Variants in PTGR1 observed in about 807,000 individuals in gnomAD.
PTGR1 encodes prostaglandin reductase 1.
In PTGR1, 23 loss-of-function variants were observed where a neutral mutation model predicts 37.7. That is an observed-to-expected ratio of 0.61 (90% CI 0.44 to 0.86). The LOEUF (loss-of-function observed/expected upper bound fraction) is 0.86. PTGR1 is among the 40% of genes least tolerant of loss of function. The probability of loss-of-function intolerance (pLI) is 0.00; values close to 1 mark genes in which losing one functional copy is unlikely to be tolerated. For missense variants in PTGR1, 351 were observed against 394.3 expected, an observed-to-expected ratio of 0.89 and a Z score of 0.93; for synonymous variants, 134 against 140.0, an observed-to-expected ratio of 0.96 and a Z score of 0.30.
intron 8 of PTGR1, among the ~76,000 whole-genome samples, chr9:111,573,836 T>A (rs1392106279): frequency 6.6e-6 from 1 of 151,818 alleles, no homozygotes; most frequent in East Asian, 1.9e-4. Context: ...GACCTCAGAG[T>A]GTGGAGCGGG....
At chr9:111,558,218 G>C (rs1202909372), downstream of PTGR1, among the ~76,000 whole-genome samples, 1 of 152,120 alleles carries the variant, frequency 6.6e-6, no homozygotes, top group Non-Finnish European at 1.5e-5. Flanking sequence ...GTCTCAGTAC[G>C]GACTCATGGT....
intron 8 of PTGR1, among the ~76,000 whole-genome samples, chr9:111,572,046 G>A (rs1828841396): frequency 6.6e-6 from 1 of 152,334 alleles, no homozygotes; most frequent in African/African-American, 2.4e-5. Flanking sequence ...GTTCCAGGAA[G>A]TCAGGCGAAG....
chr9:111,597,472 A>T (rs1245873138), intron 1 of PTGR1, 40 bp from the exon 2 acceptor site: 1 of 1,300,376 alleles, frequency 7.7e-7, no homozygotes, highest in Non-Finnish European at 1.1e-6. Context: ...CCATGAAGTG[A>T]CTGCATTCTA....
In PTGR1 at chr9:111,592,989, A is replaced by T; in HGVS notation, c.153-7T>A. On this transcript the variant is annotated splice_polypyrimidine_tract_variant and splice_region_variant and intron_variant, in intron 3 of 9. Transcript: ENST00000407693. ...CAATCTTTTGGCTGCCACTCTGCAA[A>T]AAAAAAAAAAAAAAAAAAAAAAAAA... 3.1e-6 allele frequency: 1 copy of T among 318,798 alleles called. No homozygotes were observed. The highest frequency in any genetic ancestry group is 4.5e-6 in the Non-Finnish European group (1 of 221,940). The allele number at this position is 318,798 out of a possible 1,614,324, so 19.7% of individuals were successfully genotyped here.
At chr9:111,573,693 T>G (rs1160473873) in intron 8 of PTGR1, among the ~76,000 whole-genome samples, 1 of 152,164 alleles carries the variant, frequency 6.6e-6, no homozygotes, top group Non-Finnish European at 1.5e-5. Context: ...TTGAGTCTGT[T>G]GCCAATAGGA....
chr9:111,563,160 C>T lies in PTGR1; in HGVS notation c.951G>A (p.Leu317=), dbSNP rs201071063. 6 of 1,614,030 alleles carry T rather than the reference C, an allele frequency of 3.7e-6. No homozygotes were observed. Among genetic ancestry groups the T allele is most frequent in the Non-Finnish European group, 5.1e-6 (6 of 1,179,952 alleles). ...TTGTCTTCCCCAAATTATCTCCTTT[C>T]AGCATTCCCATAAATGCAGCTGGCA... ...ENMPAAFMGM[L]KGDNLGKTIV... Residue 317 remains leucine (L), a synonymous_variant, in exon 10 of 10, where the codon CTG becomes CTA. Coordinates refer to ENST00000407693, the MANE Select transcript of PTGR1 (RefSeq NM_001146108.2).
chr9:111,549,891 A>G, intron 9 of PTGR1: 1 of 774,420 alleles, frequency 1.3e-6, no homozygotes. Flanking sequence ...GGTCTTCCTC[A>G]TGTCCATTTT....
At chr9:111,583,400 G>C in intron 6 of PTGR1, 72 bp downstream of exon 6, 1 of 1,281,150 alleles carries the variant, frequency 7.8e-7, no homozygotes, top group Non-Finnish European at 1.1e-6. Context: ...GGCCAAGGAA[G>C]ATTTGCTGTG....
Position 111,570,088 on chromosome 9 carries a change from T to C in PTGR1, c.879+3A>G. On this transcript the variant is annotated splice_donor_region_variant and intron_variant, in intron 9 of 9. Coordinates refer to ENST00000407693, the MANE Select transcript of PTGR1 (RefSeq NM_001146108.2). The stretch of plus-strand genomic sequence containing the variant: ...TGGAAGGGGTGGCTCCGGAGCTCCT[T>C]ACCTCTAAGACCCATTTCAGCAAGT... The C allele has an allele frequency of 6.2e-7, 1 of 1,614,074 alleles. No individual in the cohort carries two copies. Among genetic ancestry groups the C allele is most frequent in the Non-Finnish European group, 8.5e-7 (1 of 1,179,984 alleles).
chr9:111,589,458 T>C (rs1311241971), intron 4 of PTGR1: 19 of 738,490 alleles, frequency 2.6e-5, no homozygotes, highest in Non-Finnish European at 2.6e-5. Flanking sequence ...GGTTTTGCCA[T>C]GTTTCCCAGG....
rs928365134 is a variant in PTGR1 at position 111,563,220 on chromosome 9, C to G, written c.891G>C (p.Gln297His). The change falls in exon 10 of 10, where the codon CAG becomes CAC. Residue 297 changes from glutamine to histidine, a missense_variant. By Grantham distance (24) the Gln-to-His change is conservative (BLOSUM62 0). Transcript: ENST00000407693. ...LLKWVLEGKIQYKEYIIEGFE... is the reference protein window; with the variant it reads ...LLKWVLEGKIHYKEYIIEGFE... Reference sequence around the variant, plus strand: ...ATCCTTCAATGATATATTCCTTGTACTGGATTTTACCCTGTATCAAAGCAA... The same window carrying G: ...ATCCTTCAATGATATATTCCTTGTAGTGGATTTTACCCTGTATCAAAGCAA... 6.2e-7 allele frequency: 1 copy of G among 1,613,044 alleles called. No homozygotes were observed.
intron 8 of PTGR1, among the ~76,000 whole-genome samples, chr9:111,572,759 A>AT (rs1828882049): frequency 8.4e-6 from 1 of 119,438 alleles, no homozygotes; most frequent in Non-Finnish European, 1.9e-5. Context: ...CCTGTCTCAA[A>AT]AAAAAAAAAA....
At chr9:111,592,742 C>A in intron 4 of PTGR1, 184 bp downstream of exon 4, 1 of 720,868 alleles carries the variant, frequency 1.4e-6, no homozygotes, top group Non-Finnish European at 2.1e-6. Flanking sequence ...GACAATTTCA[C>A]ATCCTTCCCT....
chr9:111,581,920 A>G (rs1029671958), intron 6 of PTGR1, among the ~76,000 whole-genome samples: 1 of 152,188 alleles, frequency 6.6e-6, no homozygotes, highest in African/African-American at 2.4e-5. Context: ...GGGAAAAAAT[A>G]TACTGTTTGA....
intron 9 of PTGR1, chr9:111,564,295 A>G: frequency 1.6e-6 from 1 of 610,268 alleles, no homozygotes; most frequent in Admixed American, 5.9e-5. Context: ...TATTATTATT[A>G]TTATTATTAT....
chr9:111,568,537 G>C (rs1054088760), intron 9 of PTGR1, among the ~76,000 whole-genome samples: 18 of 152,158 alleles, frequency 1.2e-4, no homozygotes. Flanking sequence ...CCCTTGTCCT[G>C]TTTCCTCAGA....
At chr9:111,598,062 A>G (rs918160382) in intron 1 of PTGR1, among the ~76,000 whole-genome samples, 1 of 150,840 alleles carries the variant, frequency 6.6e-6, no homozygotes, top group Non-Finnish European at 1.5e-5. Context: ...TGTGTTGCCT[A>G]GGCGATCCGC....
At chr9:111,570,394 C>T (rs1384349668) in intron 8 of PTGR1, among the ~76,000 whole-genome samples, 185 bp from the exon 9 acceptor site, 3 of 152,050 alleles carry the variant, frequency 2.0e-5, no homozygotes, top group African/African-American at 7.3e-5. Context: ...TGCAGCCAGG[C>T]AGAATAATGG....
intron 4 of PTGR1, among the ~76,000 whole-genome samples, chr9:111,586,747 G>C (rs575292210): frequency 6.7e-6 from 1 of 150,154 alleles, no homozygotes; most frequent in East Asian, 2.0e-4. Context: ...AAATCCAGTG[G>C]ATATTCCTTA....
Sources: allele counts gnomAD v4.1 joint callset (sites outside exome capture counted in the v4.1 genomes callset), GRCh38; gene constraint gnomAD v4.1.1; transcripts MANE v1.5; gene names NCBI Gene and HGNC (gene_info 2026-07-23, HGNC 2026-07-21).